FSTL4: variants seen among roughly 807,000 people sequenced by gnomAD.
FSTL4 encodes the protein follistatin like 4.
FSTL4 carries 28 observed loss-of-function variants against 78.2 expected under a neutral mutation model. The ratio of observed to expected loss-of-function variants is 0.36; its 90% CI spans 0.27 to 0.49. The LOEUF is 0.49. Ranked by LOEUF, FSTL4 falls within the 20% of genes least tolerant of loss-of-function variation. The pLI is 0.98. For missense variants in FSTL4, 922 were observed against 1,084.9 expected (o/e 0.85, Z 2.11); for synonymous variants, 422 against 440.5 (o/e 0.96, Z 0.53).
intron 6 of FSTL4, among the ~76,000 whole-genome samples, chr5:133,308,754 T>C (rs1753710320): frequency 6.6e-6 from 1 of 152,170 alleles, no homozygotes; most frequent in African/African-American, 2.4e-5. Flanking sequence ...GAAAACACTG[T>C]TTTCCTTTCT....
At chr5:133,733,133 A>G in the FSTL4 span, among the ~76,000 whole-genome samples, 2 of 152,220 alleles carry the variant, frequency 1.3e-5, no homozygotes, top group Non-Finnish European at 2.9e-5. Context: ...TATGTGGTAC[A>G]TATCTCTGAA....
At chr5:133,776,758 G>C in the FSTL4 span, among the ~76,000 whole-genome samples, 1 of 152,078 alleles carries the variant, frequency 6.6e-6, no homozygotes, top group African/African-American at 2.4e-5. Flanking sequence ...TGGTGAAAAA[G>C]GTTTTCCATA....
rs143252980 is a variant in FSTL4 at position 133,603,925 on chromosome 5, G to A, written c.59C>T (p.Ala20Val). ...GGTTCCTGGGTCCATCCATCCCAGC[G>A]CAGCCGGCAGGGAGGCTCCGAGCAG... ...LTLLGASLPAALGWMDPGTSR... is the reference protein window; with the variant it reads ...LTLLGASLPAVLGWMDPGTSR... Residue 20 changes from alanine (A) to valine (V), a missense_variant, in exon 2 of 16, where the codon GCG (alanine) becomes GTG (valine). Ala to Val is a moderately conservative substitution (Grantham distance 64, BLOSUM62 0). Coordinates refer to ENST00000265342, the MANE Select transcript of FSTL4 (RefSeq NM_015082.2). 2.2e-5 allele frequency: 36 copies of A among 1,613,306 alleles called. No individual in the cohort carries two copies. The Admixed American group carries it at 4.7e-4, about 21-fold the overall frequency.
At chr5:133,239,000 G>A (rs1232731843) in intron 7 of FSTL4, among the ~76,000 whole-genome samples, 1 of 152,240 alleles carries the variant, frequency 6.6e-6, no homozygotes, top group Non-Finnish European at 1.5e-5. Flanking sequence ...AGAGGCGCGG[G>A]CGGGAACCGG....
chr5:133,214,736 G>A (rs1750853547), intron 13 of FSTL4, among the ~76,000 whole-genome samples: 1 of 152,046 alleles, frequency 6.6e-6, no homozygotes, highest in Non-Finnish European at 1.5e-5. Context: ...ATTTTATCTG[G>A]GGCTAGATCT....
intron 3 of FSTL4, among the ~76,000 whole-genome samples, chr5:133,528,502 C>T (rs1261882034): frequency 6.6e-6 from 1 of 152,212 alleles, no homozygotes; most frequent in African/African-American, 2.4e-5. Flanking sequence ...TTCGACACCA[C>T]ATGCAAGCTC....
chr5:133,238,839 G>A (rs561419842), intron 7 of FSTL4, among the ~76,000 whole-genome samples: 4 of 152,302 alleles, frequency 2.6e-5, no homozygotes, highest in South Asian at 4.1e-4. Flanking sequence ...GGCAGCCCTC[G>A]CAGCCCTTGC....
intron 4 of FSTL4, among the ~76,000 whole-genome samples, chr5:133,356,699 G>A (rs1208013782): frequency 6.6e-6 from 1 of 152,236 alleles, no homozygotes; most frequent in Admixed American, 6.5e-5. Flanking sequence ...GAAACTTAAA[G>A]GGAAAAAAAG....
chr5:133,738,522 T>A, the FSTL4 span, among the ~76,000 whole-genome samples: 1 of 152,110 alleles, frequency 6.6e-6, no homozygotes, highest in Non-Finnish European at 1.5e-5. Flanking sequence ...TCCCCTCCCC[T>A]GCATGCACCA....
At position 133,435,632 on chromosome 5, in the gene FSTL4, T is replaced by G. The variant is rs142972835; in HGVS notation, c.161-34646A>C. On this transcript the variant is annotated intron_variant, in intron 3 of 15. Coordinates refer to ENST00000265342, the MANE Select transcript of FSTL4 (RefSeq NM_015082.2). Reference sequence around the variant, plus strand: ...TTCTCACAGTTTTGAAATGCTGTGTTAGGTTAGCACTATGTTCTAAGGTTT... The same window carrying G: ...TTCTCACAGTTTTGAAATGCTGTGTGAGGTTAGCACTATGTTCTAAGGTTT... Among the ~76,000 whole-genome samples the G allele has an allele frequency of 2.0e-5, 3 of 152,350 alleles. No homozygotes were observed. The East Asian group carries it at 5.8e-4, about 29-fold the overall frequency.
At chr5:133,384,762 T>C (rs1206266601) in intron 4 of FSTL4, among the ~76,000 whole-genome samples, 2 of 152,184 alleles carry the variant, frequency 1.3e-5, no homozygotes, top group East Asian at 3.8e-4. Context: ...TCCCCTTGCA[T>C]CCAGGAGAAA....
At chr5:133,425,773 G>A (rs1756799879) in intron 3 of FSTL4, among the ~76,000 whole-genome samples, 1 of 152,248 alleles carries the variant, frequency 6.6e-6, no homozygotes, top group Admixed American at 6.5e-5. Flanking sequence ...GAATAAGGGA[G>A]ATATGGATCC....
chr5:133,490,655 T>C (rs1758249496), intron 3 of FSTL4, among the ~76,000 whole-genome samples: 1 of 152,220 alleles, frequency 6.6e-6, no homozygotes, highest in Non-Finnish European at 1.5e-5. Context: ...TATTTCAAAA[T>C]ATGTTTTTAA....
intron 3 of FSTL4, among the ~76,000 whole-genome samples, chr5:133,406,458 C>T (rs1345969194): frequency 6.6e-6 from 1 of 152,180 alleles, no homozygotes; most frequent in African/African-American, 2.4e-5. Context: ...TCTTAGAGGC[C>T]AGAAAACTCT....
chr5:133,821,379 A>C, the FSTL4 span, among the ~76,000 whole-genome samples: 1 of 152,260 alleles, frequency 6.6e-6, no homozygotes, highest in East Asian at 1.9e-4. Context: ...ATGAAGATGA[A>C]AAGTGAAAGC....
chr5:133,591,157 G>T (rs1003043476), intron 2 of FSTL4, among the ~76,000 whole-genome samples: 5 of 152,192 alleles, frequency 3.3e-5, no homozygotes, highest in African/African-American at 1.2e-4. Flanking sequence ...TGGAGGCCAA[G>T]CCTGTTTTAC....
rs532958951 is a variant in FSTL4, at chr5:133,325,364, C to T, written c.410-8712G>A. ...GGTCAAGGTGGGTGGGGGGAATCCC[C>T]AGGCCACTATAAGACCACAGCCCCA... On this transcript the variant is annotated intron_variant, in intron 4 of 15. Transcript: ENST00000265342. Among the ~76,000 whole-genome samples the T allele has an allele frequency of 1.6e-4, 24 of 152,278 alleles. 1 individual carries two copies. Among genetic ancestry groups the T allele is most frequent in the Middle Eastern group, 3.4e-3 (1 of 294 alleles).
chr5:133,482,696 G>C (rs573596938), intron 3 of FSTL4, among the ~76,000 whole-genome samples: 2 of 152,318 alleles, frequency 1.3e-5, no homozygotes, highest in South Asian at 4.1e-4. Flanking sequence ...TGCAGGGTGT[G>C]CAGGTAAGGA....
At chr5:133,289,554 C>T (rs1753210126) in intron 6 of FSTL4, among the ~76,000 whole-genome samples, 2 of 152,230 alleles carry the variant, frequency 1.3e-5, no homozygotes, top group Non-Finnish European at 2.9e-5. Flanking sequence ...GAATGAATGA[C>T]TGCATGTGTC....
Sources: allele counts gnomAD v4.1 joint callset (sites outside exome capture counted in the v4.1 genomes callset), GRCh38; gene constraint gnomAD v4.1.1; transcripts MANE v1.5; gene names NCBI Gene and HGNC (gene_info 2026-07-23, HGNC 2026-07-21).